VASH2: variants seen among roughly 807,000 people sequenced by gnomAD.
VASH2 encodes tubulinyl-Tyr carboxypeptidase 2.
Under a neutral mutation model 37.2 loss-of-function variants are expected in VASH2, and 28 were observed. That is an observed-to-expected ratio of 0.75 (90% CI 0.56 to 1.03). The LOEUF (loss-of-function observed/expected upper bound fraction) is 1.03. Ranked by LOEUF, VASH2 falls within the 50% of genes least tolerant of loss-of-function variation. The pLI, the probability that VASH2 is intolerant of heterozygous loss-of-function variation, is 0.00. For synonymous variants in VASH2, 188 were observed against 174.7 expected (o/e 1.08, Z -0.60); for missense variants, 419 against 459.1 (o/e 0.91, Z 0.80).
intron 7 of VASH2, among the ~76,000 whole-genome samples, chr1:212,983,390 CAG>C (rs1260847242): frequency 6.6e-6 from 1 of 152,196 alleles, no homozygotes; most frequent in Non-Finnish European, 1.5e-5. Flanking sequence ...TGTCCCATGA[CAG>C]AGGGCAAAGA....
At chr1:212,953,228 C>CACG (rs1558139256) in intron 2 of VASH2, among the ~76,000 whole-genome samples, 2 of 108,114 alleles carry the variant, frequency 1.8e-5, no homozygotes, top group African/African-American at 6.0e-5. Flanking sequence ...TATGCGGGTG[C>CACG]GCGGGGGGGG....
chr1:212,965,486 T>C (rs1363791706), intron 3 of VASH2, among the ~76,000 whole-genome samples: 1 of 152,172 alleles, frequency 6.6e-6, no homozygotes, highest in Admixed American at 6.5e-5. Context: ...ACAGAGCAGA[T>C]TGAAAAGAGC....
chr1:212,954,897 C>G (rs17020048), intron 2 of VASH2, among the ~76,000 whole-genome samples: 8,980 of 152,222 alleles, frequency 0.059, 676 homozygotes, highest in African/African-American at 0.16. Flanking sequence ...GGTTGGTTCT[C>G]TATCCCCAGT....
intron 6 of VASH2, 109 bp downstream of exon 6, chr1:212,973,070 G>A (rs1459601871): frequency 2.1e-5 from 30 of 1,416,924 alleles, no homozygotes. Context: ...AAAATTTCTT[G>A]AGGTTAAAGT....
intron 7 of VASH2, among the ~76,000 whole-genome samples, chr1:212,981,493 G>T (rs74140545): frequency 2.4e-3 from 361 of 152,318 alleles, no homozygotes; most frequent in African/African-American, 7.9e-3. Context: ...ATTCTGGCCA[G>T]ACTCCACAAG....
Position 212,951,785 on chromosome 1 carries a change from G to A in VASH2, c.243G>A (p.Val81=). 1 of 1,608,166 alleles carries A rather than the reference G, an allele frequency of 6.2e-7. No homozygotes were observed. Among genetic ancestry groups the A allele is most frequent in the African/African-American group, 1.3e-5 (1 of 75,048 alleles). ...TGCACCCTAAGGGGGGAGAAATGGTGGGCGCCATCAGGAACGCCGCCTTCT... is the reference window on the plus strand; with the variant it reads ...TGCACCCTAAGGGGGGAGAAATGGTAGGCGCCATCAGGAACGCCGCCTTCT... ...AKVHPKGGEM[V]GAIRNAAFLA... is the part of the protein sequence containing the mutation. The change falls in exon 2 of 8, where the codon GTG becomes GTA. Residue 81 remains valine, a synonymous_variant. Coordinates refer to ENST00000517399, the MANE Select transcript of VASH2 (RefSeq NM_001301056.2). The surrounding 1 kb of genome is among the most constrained non-coding windows in gnomAD (Gnocchi z 4.4).
intron 7 of VASH2, among the ~76,000 whole-genome samples, chr1:212,987,814 T>C (rs115119873): frequency 0.024 from 3,682 of 152,340 alleles, 70 homozygotes; most frequent in Admixed American, 0.043. Context: ...TTGGAAGTCA[T>C]TTAGGACGCA....
rs1666624120 is a variant in VASH2 at position 212,960,016 on chromosome 1, G to A, written c.277-1150G>A. 2.0e-5 allele frequency among the ~76,000 whole-genome samples: 3 copies of A among 152,238 alleles called. No homozygotes were observed. The South Asian group carries it at 6.2e-4, about 31-fold the overall frequency. ...AAGGACCCCAGGGAGACAGAGGTCAGAAGACCGAGAAACATGTAGGTGAAA... is the reference window on the plus strand; with the variant it reads ...AAGGACCCCAGGGAGACAGAGGTCAAAAGACCGAGAAACATGTAGGTGAAA... On this transcript the variant is annotated intron_variant, in intron 2 of 7. Transcript: ENST00000517399.
At chr1:212,958,202 A>C (rs1403862751) in intron 2 of VASH2, among the ~76,000 whole-genome samples, 16 of 152,148 alleles carry the variant, frequency 1.1e-4, no homozygotes. Flanking sequence ...GCTGGTTGGA[A>C]GTGGACCCTC....
chr1:212,972,524 T>A, intron 5 of VASH2, 56 bp from the exon 6 acceptor site: 1 of 1,584,828 alleles, frequency 6.3e-7, no homozygotes, highest in Non-Finnish European at 8.5e-7. Flanking sequence ...TTCCTTTGCA[T>A]CCAGGCTTCA....
rs142734232 is a variant in VASH2, at chr1:212,958,881, T to TTTTC, written c.277-2265_277-2262dup. ...GGCGTGCATCACCATGCTCGGCTAA[T>TTTTC]TTTCTTTCTTTCTTTCTTTCTTTTT... is the stretch of plus-strand genomic sequence containing the variant. On this transcript the variant is annotated intron_variant, in intron 2 of 7. Coordinates refer to ENST00000517399, the MANE Select transcript of VASH2 (RefSeq NM_001301056.2). 8.9e-3 allele frequency among the ~76,000 whole-genome samples: 1,355 copies of TTTTC among 151,852 alleles called. 17 individuals are homozygous for TTTTC. The highest frequency in any genetic ancestry group is 0.031 in the African/African-American group (1,265 of 41,378).
At chr1:212,952,357 G>T (rs2935213) in intron 2 of VASH2, 79,506 of 151,740 alleles carry the variant, frequency 0.52, 20,976 homozygotes, top group South Asian at 0.59. Context: ...TGGTTTTTTT[G>T]TGTGTGTGTG....
At position 212,988,633 on chromosome 1, in the gene VASH2, A is replaced by C. The variant is rs1329465317; in HGVS notation, c.*49A>C. ...GGGTTTCTGTGGTGCTTCTCTCTGC[A>C]CTTTACCCAGCATCTTCAGGAGGAA... On this transcript the variant is annotated 3_prime_UTR_variant, in exon 8 of 8. Coordinates refer to ENST00000517399, the MANE Select transcript of VASH2 (RefSeq NM_001301056.2). 6.3e-7 allele frequency: 1 copy of C among 1,582,320 alleles called. No homozygotes were observed. Among genetic ancestry groups the C allele is most frequent in the Non-Finnish European group, 8.7e-7 (1 of 1,151,682 alleles).
At chr1:212,962,403 G>A (rs967537661) in intron 3 of VASH2, among the ~76,000 whole-genome samples, 26 of 152,260 alleles carry the variant, frequency 1.7e-4, no homozygotes, top group African/African-American at 5.5e-4. Context: ...GTTCTACAAG[G>A]TCCCAGGCAC....
chr1:212,986,741 C>T (rs948298462), intron 7 of VASH2, among the ~76,000 whole-genome samples: 2 of 121,032 alleles, frequency 1.7e-5, no homozygotes, highest in Admixed American at 2.1e-4. Context: ...ATACAATGAG[C>T]AGAGTCTACA....
At chr1:212,973,577 CAG>C (rs1440108304) in intron 6 of VASH2, 1 of 1,263,936 alleles carries the variant, frequency 7.9e-7, no homozygotes, top group East Asian at 5.5e-5. Context: ...ATGGGAGCAT[CAG>C]AGGAAGAACA....
chr1:212,984,165 C>CT (rs1188689613), intron 7 of VASH2, among the ~76,000 whole-genome samples: 2 of 152,146 alleles, frequency 1.3e-5, no homozygotes, highest in Non-Finnish European at 1.5e-5. Context: ...AGGGAAAAGA[C>CT]TAAGAAAAGG....
At chr1:212,973,522 G>C in intron 6 of VASH2, 1 of 1,290,406 alleles carries the variant, frequency 7.7e-7, no homozygotes, top group Non-Finnish European at 1.0e-6. Context: ...AGGACCTGGA[G>C]TGGAGATTCC....
At chr1:212,969,281 C>T (rs755184985) in intron 5 of VASH2, 52 of 801,518 alleles carry the variant, frequency 6.5e-5, no homozygotes, top group Non-Finnish European at 7.7e-5. Flanking sequence ...CAAGCTCTGC[C>T]TCCCGGGTTC....
Sources: allele counts gnomAD v4.1 joint callset (sites outside exome capture counted in the v4.1 genomes callset), GRCh38; gene constraint gnomAD v4.1.1; non-coding constraint Gnocchi (gnomAD v3.1); transcripts MANE v1.5; gene names NCBI Gene and HGNC (gene_info 2026-07-23, HGNC 2026-07-21).